MND1: variants seen among roughly 807,000 people sequenced by gnomAD.
The protein encoded by MND1 is meiotic nuclear division protein 1 homolog.
A neutral mutation model predicts 35.1 loss-of-function variants in MND1; 28 were observed. The observed-to-expected ratio is 0.80, with a 90% CI of 0.59 to 1.09. The LOEUF (loss-of-function observed/expected upper bound fraction) is 1.09, where lower values mean the gene tolerates loss of function less well. Ranked by LOEUF, MND1 falls within the 50% of genes least tolerant of loss-of-function variation. The pLI, the probability that MND1 is intolerant of heterozygous loss-of-function variation, is 0.00. For synonymous variants in MND1, 69 were observed against 70.5 expected (o/e 0.98, Z 0.11); for missense variants, 213 against 239.6 (o/e 0.89, Z 0.73).
chr4:153,380,571 C>G (rs1303644528), intron 4 of MND1, among the ~76,000 whole-genome samples: 1 of 152,202 alleles, frequency 6.6e-6, no homozygotes, highest in Admixed American at 6.5e-5. Flanking sequence ...CCTCTGAGCA[C>G]ATTACCACCT....
chr4:153,356,910 T>C (rs973883945), intron 3 of MND1, among the ~76,000 whole-genome samples: 4 of 151,996 alleles, frequency 2.6e-5, no homozygotes, highest in Non-Finnish European at 4.4e-5. Context: ...GCAACCTCTG[T>C]CTCCCGGGTT....
chr4:153,357,818 T>G (rs1773384086), intron 3 of MND1, among the ~76,000 whole-genome samples: 1 of 152,194 alleles, frequency 6.6e-6, no homozygotes, highest in Non-Finnish European at 1.5e-5. Flanking sequence ...TTCTTACCTA[T>G]TTTCCCTCCC....
At chr4:153,403,249 A>T (rs1257314384) in intron 6 of MND1, among the ~76,000 whole-genome samples, 2 of 152,230 alleles carry the variant, frequency 1.3e-5, no homozygotes, top group East Asian at 3.8e-4. Flanking sequence ...CTCAGTGAAG[A>T]CCTGGGACAG....
chr4:153,409,020 G>A lies in MND1; in HGVS notation c.511+5G>A. 7.4e-7 allele frequency: 1 copy of A among 1,358,172 alleles called. No individual in the cohort carries two copies. Among genetic ancestry groups the A allele is most frequent in the Non-Finnish European group, 9.6e-7 (1 of 1,047,084 alleles). The allele number at this position is 1,358,172 out of a possible 1,614,324, so 84.1% of individuals were successfully genotyped here. On this transcript the variant is annotated splice_donor_5th_base_variant and intron_variant, in intron 7 of 7. Transcript: ENST00000240488. The stretch of plus-strand genomic sequence containing the variant: ...AAGCTGCTAACAGATGGACTGGTAT[G>A]TACTATAATAATGCTGATAAACTAT...
At chr4:153,349,317 C>A (rs565092476) in intron 1 of MND1, among the ~76,000 whole-genome samples, 3 of 152,222 alleles carry the variant, frequency 2.0e-5, no homozygotes, top group Admixed American at 6.5e-5. Flanking sequence ...GGCCTTTCCC[C>A]CTTCCATCTT....
intron 4 of MND1, among the ~76,000 whole-genome samples, chr4:153,388,203 T>C (rs1728920357): frequency 6.6e-6 from 1 of 152,158 alleles, no homozygotes; most frequent in Non-Finnish European, 1.5e-5. Context: ...AAAGATGAAA[T>C]CCTAGGCTGG....
intron 4 of MND1, among the ~76,000 whole-genome samples, chr4:153,385,715 C>CA (rs60037291): frequency 0.34 from 27,922 of 83,250 alleles, 3,677 homozygotes; most frequent in African/African-American, 0.42. Context: ...GACCCTGTCT[C>CA]AAAAAAAAAA....
At chr4:153,406,248 G>C (rs556254667) in intron 6 of MND1, among the ~76,000 whole-genome samples, 1 of 152,118 alleles carries the variant, frequency 6.6e-6, no homozygotes, top group East Asian at 1.9e-4. Context: ...GAGGCTGGGC[G>C]CGGTGTCTCA....
chr4:153,358,579 C>G lies in MND1; in HGVS notation c.233C>G (p.Ala78Gly). 9 of 1,613,374 alleles carry G rather than the reference C, an allele frequency of 5.6e-6. No homozygotes were observed. Among genetic ancestry groups the G allele is most frequent in the Non-Finnish European group, 7.6e-6 (9 of 1,179,722 alleles). Residue 78 changes from alanine (A) to glycine (G), a missense_variant, in exon 4 of 8, where the codon GCT becomes GGT. Transcript: ENST00000240488. ...TATTATTGGGCTTTTCCAAGTAAAG[C>G]TCTTCATGCAAGGAAACATAAGTTG... The part of the protein sequence containing the change: ...SNYYWAFPSK[A>G]LHARKHKLEV...
chr4:153,384,443 ATTTTTTTTTTTTTTTTT>A (rs561004288), intron 4 of MND1, among the ~76,000 whole-genome samples: 1 of 63,170 alleles, frequency 1.6e-5, no homozygotes, highest in African/African-American at 5.9e-5. Context: ...CTAATGTTTA[ATTTTTTTTTTTTTTTTT>A]TTTTTTTTTT....
At chr4:153,400,808 A>G (rs2149656099) in intron 6 of MND1, among the ~76,000 whole-genome samples, 1 of 152,348 alleles carries the variant, frequency 6.6e-6, no homozygotes, top group Admixed American at 6.5e-5. Flanking sequence ...AACATTATCT[A>G]TAATGAGCAG....
At chr4:153,354,832 T>G (rs1227551372) in intron 2 of MND1, among the ~76,000 whole-genome samples, 1 of 152,154 alleles carries the variant, frequency 6.6e-6, no homozygotes, top group Non-Finnish European at 1.5e-5. Context: ...GTGGGAAGAT[T>G]GTTCTTTATG....
At chr4:153,390,915 G>GTGTGTGTGTGTGTGTGTGTA (rs1470729047) in intron 4 of MND1, among the ~76,000 whole-genome samples, 5 of 127,880 alleles carry the variant, frequency 3.9e-5, no homozygotes, top group African/African-American at 1.7e-4. Context: ...GTGTGTGTGT[G>GTGTGTGTGTGTGTGTGTGTA]TATATGTGTG....
At chr4:153,395,897 G>A (rs1729185863) in intron 5 of MND1, among the ~76,000 whole-genome samples, 1 of 151,838 alleles carries the variant, frequency 6.6e-6, no homozygotes, top group Non-Finnish European at 1.5e-5. Flanking sequence ...TTGTTTTTTG[G>A]TTTGTTTTTT....
chr4:153,399,049 T>C (rs996767351), intron 6 of MND1, among the ~76,000 whole-genome samples: 1 of 152,216 alleles, frequency 6.6e-6, no homozygotes. Flanking sequence ...ATTTTCAGGA[T>C]AGCATGACTG....
intron 2 of MND1, among the ~76,000 whole-genome samples, chr4:153,352,695 C>T (rs1323394362): frequency 7.0e-6 from 1 of 143,056 alleles, no homozygotes; most frequent in Non-Finnish European, 1.5e-5. Context: ...GCCATGATCA[C>T]ACTCTGTCAC....
intron 5 of MND1, 71 bp downstream of exon 5, chr4:153,394,407 C>T: frequency 8.2e-7 from 1 of 1,222,176 alleles, no homozygotes; most frequent in Non-Finnish European, 1.2e-6. Context: ...ACAGAGCTTC[C>T]TGTGAGGAGG....
At chr4:153,398,893 G>A (rs939904279) in intron 6 of MND1, among the ~76,000 whole-genome samples, 8 of 152,190 alleles carry the variant, frequency 5.3e-5, no homozygotes, top group East Asian at 1.9e-4. Flanking sequence ...CTAGGCCTGC[G>A]TATGATTCAT....
chr4:153,394,190 G>T lies in MND1; in HGVS notation c.277-72G>T, dbSNP rs529448181. On this transcript the variant is annotated intron_variant, in intron 4 of 7. Coordinates refer to ENST00000240488, the MANE Select transcript of MND1 (RefSeq NM_032117.4). ...GGGGCGTGAGCCACTGCACCTGGTGGACTTTGTTTTCATCAACTACTACAT... is the reference window on the plus strand; with the variant it reads ...GGGGCGTGAGCCACTGCACCTGGTGTACTTTGTTTTCATCAACTACTACAT... 7.1e-6 allele frequency: 10 copies of T among 1,417,282 alleles called. No homozygotes were observed. The South Asian group carries it at 1.2e-4, about 17-fold the overall frequency. 87.8% of individuals were successfully genotyped at this position (1,417,282 alleles called of 1,614,324 possible).
Sources: gnomAD v4.1 joint callset for allele counts (sites outside exome capture counted in the v4.1 genomes callset) on GRCh38, gnomAD v4.1.1 for gene constraint, MANE v1.5 for transcripts, NCBI Gene and HGNC (gene_info 2026-07-23, HGNC 2026-07-21) for gene names.